The following PDGFD variants were observed in gnomAD, a reference collection of about 807,000 sequenced individuals.
The protein encoded by PDGFD is platelet derived growth factor D.
PDGFD carries 30 observed loss-of-function variants against 44.7 expected under a neutral mutation model. The observed-to-expected ratio is 0.67, with a 90% CI of 0.50 to 0.91. The LOEUF is 0.91. PDGFD is among the 40% of genes least tolerant of loss of function. PDGFD has a pLI of 0.00. For synonymous variants in PDGFD, 173 were observed against 168.4 expected (o/e 1.03, Z -0.21); for missense variants, 445 against 457.8 (o/e 0.97, Z 0.25).
At chr11:104,087,773 C>A (rs1235545591) in intron 1 of PDGFD, among the ~76,000 whole-genome samples, 1 of 152,076 alleles carries the variant, frequency 6.6e-6, no homozygotes, top group Non-Finnish European at 1.5e-5. Context: ...TGGTTCATGC[C>A]TTGGTGCTGT....
chr11:104,041,463 T>C (rs1042898095), intron 1 of PDGFD, among the ~76,000 whole-genome samples: 3 of 149,246 alleles, frequency 2.0e-5, no homozygotes, highest in Non-Finnish European at 2.9e-5. Flanking sequence ...AACTTATAAA[T>C]ATCTACTTTT....
intron 1 of PDGFD, among the ~76,000 whole-genome samples, chr11:104,124,324 C>T (rs886748009): frequency 3.3e-5 from 5 of 152,048 alleles, no homozygotes; most frequent in African/African-American, 9.7e-5. Context: ...CCATTTAAGG[C>T]ATAAAAGGAC....
At chr11:104,134,564 T>C (rs1437980836) in intron 1 of PDGFD, among the ~76,000 whole-genome samples, 1 of 152,226 alleles carries the variant, frequency 6.6e-6, no homozygotes, top group Non-Finnish European at 1.5e-5. Context: ...ACAGACTGAT[T>C]CATCCACTCA....
chr11:104,157,424 C>T (rs1473233246), intron 1 of PDGFD, among the ~76,000 whole-genome samples: 1 of 152,168 alleles, frequency 6.6e-6, no homozygotes, highest in Non-Finnish European at 1.5e-5. Flanking sequence ...TAAATTACAC[C>T]TTTCAATGGC....
intron 1 of PDGFD, among the ~76,000 whole-genome samples, chr11:104,132,002 A>C (rs999909681): frequency 2.0e-5 from 3 of 151,222 alleles, no homozygotes; most frequent in Non-Finnish European, 2.9e-5. Flanking sequence ...CAAAACAAAA[A>C]AAACACTATC....
chr11:103,922,834 C>T (rs1858246458), intron 6 of PDGFD, among the ~76,000 whole-genome samples: 1 of 152,044 alleles, frequency 6.6e-6, no homozygotes, highest in Non-Finnish European at 1.5e-5. Context: ...CCCACCTTGG[C>T]CTCTCAAAGT....
chr11:104,031,446 A>G (rs908176852), intron 1 of PDGFD, among the ~76,000 whole-genome samples: 15 of 152,194 alleles, frequency 9.9e-5, no homozygotes, highest in African/African-American at 3.6e-4. Context: ...AATGAGATAC[A>G]ATCTAATACC....
chr11:103,961,377 C>T (rs1858933099), intron 3 of PDGFD, among the ~76,000 whole-genome samples: 1 of 152,060 alleles, frequency 6.6e-6, no homozygotes, highest in Non-Finnish European at 1.5e-5. Context: ...CATAGTTCTA[C>T]AGGAGAAAGA....
At chr11:103,956,000 A>G (rs1334704813) in intron 3 of PDGFD, among the ~76,000 whole-genome samples, 1 of 151,842 alleles carries the variant, frequency 6.6e-6, no homozygotes, top group African/African-American at 2.4e-5. Flanking sequence ...TTCTTCCTAC[A>G]TTATGAGAAA....
chr11:103,961,791 T>C (rs997358291), intron 3 of PDGFD, among the ~76,000 whole-genome samples: 2 of 152,156 alleles, frequency 1.3e-5, no homozygotes, highest in Non-Finnish European at 2.9e-5. Flanking sequence ...GTCATCCTGA[T>C]CACCCTTTTC....
At chr11:103,917,443 G>A (rs1406536725) in intron 6 of PDGFD, among the ~76,000 whole-genome samples, 2 of 152,084 alleles carry the variant, frequency 1.3e-5, no homozygotes, top group African/African-American at 4.8e-5. Context: ...TACATAGTCA[G>A]ATTAATATAT....
At chr11:104,036,861 C>T (rs370219748) in intron 1 of PDGFD, 7 of 1,614,002 alleles carry the variant, frequency 4.3e-6, no homozygotes, top group Non-Finnish European at 5.9e-6. Context: ...GGGACCTCTC[C>T]GAGGTCACCT....
chr11:103,975,340 T>C (rs142522138), intron 3 of PDGFD, among the ~76,000 whole-genome samples: 1,961 of 152,332 alleles, frequency 0.013, 45 homozygotes, highest in African/African-American at 0.042. Context: ...TGGGGTTGTT[T>C]GTTTTTTTCC....
At position 104,004,872 on chromosome 11, in the gene PDGFD, C is replaced by CTTTTTT. The variant is rs33979812; in HGVS notation, c.125-4623_125-4618dup. Reference sequence around the variant, plus strand: ...ACTTTGAGATAGGTATTATTACCACCTTTTTTTTTTTTTTTTTTTTTTTTG... The same window carrying CTTTTTT: ...ACTTTGAGATAGGTATTATTACCACCTTTTTTTTTTTTTTTTTTTTTTTTTTTTTTG... On this transcript the variant is annotated intron_variant, in intron 1 of 6. Transcript: ENST00000393158. Among the ~76,000 whole-genome samples the CTTTTTT allele has an allele frequency of 1.4e-3, 102 of 71,892 alleles. 3 individuals are homozygous for CTTTTTT. The highest frequency in any genetic ancestry group is 2.1e-3 in the African/African-American group (38 of 17,748). 47.2% of individuals were successfully genotyped at this position (71,892 alleles called of 152,430 possible). A position where few individuals can be genotyped will look rare whatever the true frequency, so the allele number is the denominator to read the frequency against.
At chr11:104,061,154 T>C (rs1860709843) in intron 1 of PDGFD, among the ~76,000 whole-genome samples, 1 of 152,036 alleles carries the variant, frequency 6.6e-6, no homozygotes, top group Non-Finnish European at 1.5e-5. Context: ...TACAGCTAAA[T>C]AATGGGTCAA....
intron 1 of PDGFD, among the ~76,000 whole-genome samples, chr11:104,123,035 T>TG (rs1861799271): frequency 6.6e-6 from 1 of 152,058 alleles, no homozygotes; most frequent in South Asian, 2.1e-4. Flanking sequence ...TTAAAACCAC[T>TG]GGGGAGTTTG....
chr11:103,917,599 T>C (rs551193611), intron 6 of PDGFD, among the ~76,000 whole-genome samples: 3 of 152,286 alleles, frequency 2.0e-5, no homozygotes, highest in East Asian at 3.9e-4. Context: ...GGCACTATTT[T>C]TTTTTTTCTT....
chr11:104,026,564 G>A (rs1262206827), intron 1 of PDGFD, among the ~76,000 whole-genome samples: 2 of 152,150 alleles, frequency 1.3e-5, no homozygotes, highest in Non-Finnish European at 2.9e-5. Context: ...GTTATCCCAT[G>A]ACACAGATCA....
chr11:104,069,459 T>C (rs1345716194), intron 1 of PDGFD, among the ~76,000 whole-genome samples: 1 of 152,238 alleles, frequency 6.6e-6, no homozygotes, highest in East Asian at 1.9e-4. Context: ...AATATCTTGT[T>C]AAAAGATATT....
Sources: allele counts gnomAD v4.1 joint callset (sites outside exome capture counted in the v4.1 genomes callset), GRCh38; gene constraint gnomAD v4.1.1; transcripts MANE v1.5; gene names NCBI Gene and HGNC (gene_info 2026-07-23, HGNC 2026-07-21).